SLC6A15: variants seen among roughly 807,000 people sequenced by gnomAD.
The protein encoded by SLC6A15 is solute carrier family 6 member 15, also known as sodium-dependent neutral amino acid transporter B(0)AT2.
A neutral mutation model predicts 68.5 loss-of-function variants in SLC6A15; 33 were observed. That is an observed-to-expected ratio of 0.48 (90% CI 0.37 to 0.64). The LOEUF (loss-of-function observed/expected upper bound fraction) is 0.64. Ranked by LOEUF, SLC6A15 falls within the 30% of genes least tolerant of loss-of-function variation. The pLI, the probability that SLC6A15 is intolerant of heterozygous loss-of-function variation, is 0.00. For synonymous variants in SLC6A15, 347 were observed against 301.0 expected, an observed-to-expected ratio of 1.15 and a Z score of -1.58; for missense variants, 747 against 874.3, an observed-to-expected ratio of 0.85 and a Z score of 1.84.
chr12:84,883,686 G>A, intron 5 of SLC6A15, 173 bp downstream of exon 5: 2 of 1,530,614 alleles, frequency 1.3e-6, no homozygotes, highest in Non-Finnish European at 1.8e-6. Context: ...GTTTTTATTT[G>A]TCTTTTTAAA....
chr12:84,898,912 C>A (rs376215624), intron 1 of SLC6A15, among the ~76,000 whole-genome samples: 7 of 152,284 alleles, frequency 4.6e-5, no homozygotes, highest in African/African-American at 1.7e-4. Context: ...TTTCATGATT[C>A]TCTGAATTAG....
At chr12:84,890,025 T>C (rs958940579) in intron 2 of SLC6A15, among the ~76,000 whole-genome samples, 2 of 152,184 alleles carry the variant, frequency 1.3e-5, no homozygotes, top group African/African-American at 2.4e-5. Context: ...CAGAGGACTA[T>C]CTTCTGGTTG....
chr12:84,901,654 A>C (rs1872888218), intron 1 of SLC6A15, among the ~76,000 whole-genome samples: 1 of 151,816 alleles, frequency 6.6e-6, no homozygotes. Flanking sequence ...GAAAATATGC[A>C]AACACTTGAA....
chr12:84,888,223 C>T (rs1156740548), intron 2 of SLC6A15, among the ~76,000 whole-genome samples: 1 of 142,574 alleles, frequency 7.0e-6, no homozygotes, highest in Non-Finnish European at 1.5e-5. Context: ...GAGATCGCAC[C>T]ACTGCACTCC....
chr12:84,860,312 G>T lies in SLC6A15; in HGVS notation c.*1320C>A, dbSNP rs1870793194. On this transcript the variant is annotated 3_prime_UTR_variant, in exon 12 of 12. Coordinates refer to ENST00000266682, the MANE Select transcript of SLC6A15 (RefSeq NM_182767.6). ...AGAGGACACTCAGTGAGGTTCCTCT[G>T]CTCTATCCAATTTCATATATACAAC... 1 of 152,146 alleles carries T rather than the reference G, an allele frequency of 6.6e-6. No homozygotes were observed. Among genetic ancestry groups the T allele is most frequent in the East Asian group, 1.9e-4 (1 of 5,190 alleles). The allele number at this position is 152,146 out of a possible 1,614,324, so 9.4% of individuals were successfully genotyped here.
chr12:84,867,850 T>A (rs1228771917), intron 9 of SLC6A15: 1 of 151,422 alleles, frequency 6.6e-6, no homozygotes, highest in African/African-American at 2.4e-5. Context: ...CTAAAAAGAG[T>A]TTCCCCAGTA....
Position 84,861,526 on chromosome 12 carries a change from A to G in SLC6A15, c.*106T>C. The G allele has an allele frequency of 7.8e-7, 1 of 1,277,006 alleles. No homozygotes were observed. The highest frequency in any genetic ancestry group is 1.5e-5 in the South Asian group (1 of 67,766). The allele number at this position is 1,277,006 out of a possible 1,614,324, so 79.1% of individuals were successfully genotyped here. A position where few individuals can be genotyped will look rare whatever the true frequency, so the allele number is the denominator to read the frequency against. ...TAGGATTAAAGATCACAGCCACGGA[A>G]CACCTGAGATTGCCCTCTGATAAGT... is the stretch of plus-strand genomic sequence containing the variant. On this transcript the variant is annotated 3_prime_UTR_variant, in exon 12 of 12. Transcript: ENST00000266682.
At chr12:84,912,298 C>T (rs1873505788) in intron 1 of SLC6A15, among the ~76,000 whole-genome samples, 1 of 152,172 alleles carries the variant, frequency 6.6e-6, no homozygotes, top group Non-Finnish European at 1.5e-5. Flanking sequence ...GCCCCCCACC[C>T]TGATTGTACA....
intron 9 of SLC6A15, among the ~76,000 whole-genome samples, chr12:84,869,326 T>G (rs10862944): frequency 0.17 from 25,449 of 151,692 alleles, 2,601 homozygotes; most frequent in South Asian, 0.29. Flanking sequence ...GCCAAGCGTG[T>G]TGGCACGCGC....
At chr12:84,887,718 AG>A (rs1373009580) in intron 2 of SLC6A15, among the ~76,000 whole-genome samples, 109 of 140,780 alleles carry the variant, frequency 7.7e-4, no homozygotes, top group Non-Finnish European at 9.9e-4. Context: ...AAGAAAAAAG[AG>A]AGAGAGAAAG....
chr12:84,909,208 C>G (rs984207710), intron 1 of SLC6A15, among the ~76,000 whole-genome samples: 1 of 152,048 alleles, frequency 6.6e-6, no homozygotes, highest in Admixed American at 6.6e-5. Flanking sequence ...TGATCTTTGC[C>G]AATCTGATAG....
intron 1 of SLC6A15, among the ~76,000 whole-genome samples, chr12:84,906,488 C>G (rs1319239872): frequency 6.6e-6 from 1 of 152,056 alleles, no homozygotes; most frequent in Non-Finnish European, 1.5e-5. Flanking sequence ...CAATTTTAAA[C>G]AGAAGAATGA....
chr12:84,861,879 G>A lies in SLC6A15; in HGVS notation c.1946C>T (p.Ser649Phe). The A allele has an allele frequency of 6.2e-7, 1 of 1,613,904 alleles. No individual in the cohort carries two copies. Among genetic ancestry groups the A allele is most frequent in the Non-Finnish European group, 8.5e-7 (1 of 1,179,928 alleles). The change falls in exon 12 of 12, where the codon TCT (serine) becomes TTT (phenylalanine). Residue 649 changes from serine to phenylalanine, a missense_variant. By Grantham distance (155) the Ser-to-Phe change is radical. Coordinates refer to ENST00000266682, the MANE Select transcript of SLC6A15 (RefSeq NM_182767.6). The part of the protein sequence containing the change: ...VRRFNLIDDS[S>F]GNLASVTYKR... The stretch of plus-strand genomic sequence containing the variant: ...ATAGGTCACAGATGCTAAATTACCA[G>A]AACTATCATCTATAAGGTTGAAGCG...
chr12:84,907,504 T>C (rs1873224456), intron 1 of SLC6A15, among the ~76,000 whole-genome samples: 1 of 152,142 alleles, frequency 6.6e-6, no homozygotes, highest in Admixed American at 6.5e-5. Flanking sequence ...TATAAAATAC[T>C]ATGAGATGTT....
intron 2 of SLC6A15, among the ~76,000 whole-genome samples, chr12:84,886,286 A>C (rs1248563995): frequency 6.6e-6 from 1 of 152,176 alleles, no homozygotes; most frequent in Non-Finnish European, 1.5e-5. Flanking sequence ...TTAGGATAAA[A>C]TTAAGAATAT....
intron 5 of SLC6A15, chr12:84,881,506 T>C (rs575490924): frequency 7.1e-6 from 7 of 985,410 alleles, no homozygotes; most frequent in East Asian, 1.1e-4. Context: ...GTATTGCAGA[T>C]GTGGTCCAAC....
chr12:84,887,266 T>C (rs1293635768), intron 2 of SLC6A15, among the ~76,000 whole-genome samples: 1 of 152,256 alleles, frequency 6.6e-6, no homozygotes, highest in African/African-American at 2.4e-5. Context: ...ATTTATCATA[T>C]GTTTAATGGC....
At chr12:84,882,597 G>C (rs911723892) in intron 5 of SLC6A15, 1 of 383,952 alleles carries the variant, frequency 2.6e-6, no homozygotes, top group African/African-American at 2.2e-5. Context: ...ACTAGGACGG[G>C]GTGAGACATT....
chr12:84,875,066 C>A (rs1247020628), intron 6 of SLC6A15, among the ~76,000 whole-genome samples: 1 of 152,106 alleles, frequency 6.6e-6, no homozygotes, highest in Admixed American at 6.6e-5. Flanking sequence ...TACATATAAG[C>A]ATTTAAATTC....
Sources: allele counts gnomAD v4.1 joint callset (sites outside exome capture counted in the v4.1 genomes callset), GRCh38; gene constraint gnomAD v4.1.1; transcripts MANE v1.5; gene names NCBI Gene and HGNC (gene_info 2026-07-23, HGNC 2026-07-21).